RNF185: variants seen among roughly 807,000 people sequenced by gnomAD.
RNF185 encodes ring finger protein 185.
Under a neutral mutation model 24.9 loss-of-function variants are expected in RNF185, and 13 were observed. The ratio of observed to expected loss-of-function variants is 0.52; its 90% confidence interval spans 0.34 to 0.83. The LOEUF is 0.83. Ranked by LOEUF, RNF185 falls within the 40% of genes least tolerant of loss-of-function variation. The probability of loss-of-function intolerance (pLI) is 0.01; values close to 1 mark genes in which losing one functional copy is unlikely to be tolerated. For missense variants in RNF185, 184 were observed against 244.7 expected (o/e 0.75, Z 1.65); for synonymous variants, 79 against 90.3 (o/e 0.88, Z 0.71).
intron 2 of RNF185, 114 bp downstream of exon 2, chr22:31,187,384 C>A: frequency 8.8e-7 from 1 of 1,142,076 alleles, no homozygotes; most frequent in Non-Finnish European, 1.3e-6. Context: ...CACTCAGGCT[C>A]AAGGGACAAG....
At chr22:31,203,255 GA>G (rs1205233332) in intron 6 of RNF185, among the ~76,000 whole-genome samples, 1 of 152,064 alleles carries the variant, frequency 6.6e-6, no homozygotes, top group Non-Finnish European at 1.5e-5. Flanking sequence ...TCAGGACAGG[GA>G]GCTCTAAATG....
chr22:31,173,917 A>G (rs895036631), intron 1 of RNF185, among the ~76,000 whole-genome samples: 2 of 152,226 alleles, frequency 1.3e-5, no homozygotes, highest in Admixed American at 6.5e-5. Flanking sequence ...AATGATGCTC[A>G]TTGAGAAAGG....
rs1001162933 is a variant in RNF185, at chr22:31,206,845, T to C, written c.*2259T>C. On this transcript the variant is annotated 3_prime_UTR_variant, in exon 7 of 7. Transcript: ENST00000326132. ...GCAGCTTTCCTTTCTTTTGTGTGTT[T>C]TCTGTGTTCTTAGCCTCCACCCTCC... is the stretch of plus-strand genomic sequence containing the variant. 6.6e-6 allele frequency: 1 copy of C among 152,252 alleles called. No individual in the cohort carries two copies. Among genetic ancestry groups the C allele is most frequent in the African/African-American group, 2.4e-5 (1 of 41,456 alleles). The allele number at this position is 152,252 out of a possible 1,614,324, so 9.4% of individuals were successfully genotyped here. A position where few individuals can be genotyped will look rare whatever the true frequency, so the allele number is the denominator to read the frequency against.
intron 1 of RNF185, among the ~76,000 whole-genome samples, chr22:31,160,709 A>G (rs1011883222): frequency 6.6e-6 from 1 of 152,198 alleles, no homozygotes; most frequent in Non-Finnish European, 1.5e-5. Flanking sequence ...AGACTTCGCC[A>G]CCGACAGACA....
chr22:31,167,185 AT>A (rs1281506151), intron 1 of RNF185, among the ~76,000 whole-genome samples: 1 of 151,792 alleles, frequency 6.6e-6, no homozygotes, highest in East Asian at 1.9e-4. Flanking sequence ...ATCTATTTAA[AT>A]TTTTTTTGAG....
intron 1 of RNF185, among the ~76,000 whole-genome samples, chr22:31,186,839 A>G (rs2048103940): frequency 6.6e-6 from 1 of 152,114 alleles, no homozygotes; most frequent in Non-Finnish European, 1.5e-5. Context: ...TCTGTGTGAT[A>G]TATTCTGGAC....
intron 1 of RNF185, among the ~76,000 whole-genome samples, chr22:31,172,477 G>A (rs990846912): frequency 2.6e-5 from 4 of 152,006 alleles, no homozygotes; most frequent in African/African-American, 9.7e-5. Flanking sequence ...GGCTGGGCGC[G>A]GTGGCTCATG....
chr22:31,205,210 CT>C lies in RNF185; in HGVS notation c.*628del, dbSNP rs2048303550. 5.8e-6 allele frequency: 1 copy of C among 171,526 alleles called. No individual in the cohort carries two copies. The allele number at this position is 171,526 out of a possible 1,614,324, so 10.6% of individuals were successfully genotyped here. Reference sequence around the variant, plus strand: ...GTGAATTCACCAGAGACTCAAAGATCTTTTATTGGCTCTGGGCTGTGCTCAG... The same window carrying C: ...GTGAATTCACCAGAGACTCAAAGATCTTTATTGGCTCTGGGCTGTGCTCAG... On this transcript the variant is annotated 3_prime_UTR_variant, in exon 7 of 7. Transcript: ENST00000326132.
rs781503047 is a variant in RNF185 at position 31,204,596 on chromosome 22, C to T, written c.*10C>T. 2 of 1,525,578 alleles carry T rather than the reference C, an allele frequency of 1.3e-6. No individual in the cohort carries two copies. The highest frequency in any genetic ancestry group is 9.1e-7 in the Non-Finnish European group (1 of 1,100,632). 94.5% of individuals were successfully genotyped at this position (1,525,578 alleles called of 1,614,324 possible). A position where few individuals can be genotyped will look rare whatever the true frequency, so the allele number is the denominator to read the frequency against. On this transcript the variant is annotated 3_prime_UTR_variant, in exon 7 of 7. Transcript: ENST00000326132. ...GCTCCTGATTGCCTAATGCTGGGCT[C>T]CTGCCTACATCCGTGGCAGGGCTCT...
intron 1 of RNF185, among the ~76,000 whole-genome samples, chr22:31,173,418 C>CACACAG (rs1555881075): frequency 6.6e-6 from 1 of 150,596 alleles, no homozygotes; most frequent in South Asian, 2.2e-4. Context: ...CACACACAGA[C>CACACAG]ACACACACAC....
chr22:31,191,329 T>G (rs747318334), intron 2 of RNF185, among the ~76,000 whole-genome samples: 7 of 152,158 alleles, frequency 4.6e-5, no homozygotes, highest in Non-Finnish European at 1.0e-4. Flanking sequence ...GAGTCAGATG[T>G]TATGGCCAGG....
At chr22:31,166,947 G>T (rs1360005944) in intron 1 of RNF185, among the ~76,000 whole-genome samples, 1 of 152,088 alleles carries the variant, frequency 6.6e-6, no homozygotes, top group African/African-American at 2.4e-5. Flanking sequence ...ACCACACCTG[G>T]CCTATAAGCG....
At chr22:31,179,346 G>A (rs912365409) in intron 1 of RNF185, among the ~76,000 whole-genome samples, 14 of 152,190 alleles carry the variant, frequency 9.2e-5, no homozygotes, top group Admixed American at 5.2e-4. Flanking sequence ...ATCCCCAGGG[G>A]AAGCTGCTGA....
At chr22:31,162,880 T>C (rs550045418) in intron 1 of RNF185, among the ~76,000 whole-genome samples, 63 of 151,580 alleles carry the variant, frequency 4.2e-4, no homozygotes, top group African/African-American at 1.5e-3. Flanking sequence ...TTCTCCTGCC[T>C]CAGCCTCCCG....
rs749165258 is a variant in RNF185 at position 31,195,583 on chromosome 22, T to G, written c.308+2T>G. 1.3e-6 allele frequency: 2 copies of G among 1,593,714 alleles called. No homozygotes were observed. The highest frequency in any genetic ancestry group is 2.7e-5 in the African/African-American group (2 of 74,336). On this transcript the variant is annotated splice_donor_variant, in intron 4 of 6. Transcript: ENST00000326132. LOFTEE classifies it high-confidence loss of function. ...CAGCACTGGGCAACAGGACCCCAGG[T>G]GAGGACTCAGGATGCCTCTCCCAAC...
chr22:31,187,368 G>GC, intron 2 of RNF185, 98 bp downstream of exon 2: 1 of 1,305,662 alleles, frequency 7.7e-7, no homozygotes, highest in Non-Finnish European at 1.1e-6. Flanking sequence ...GCTCACTTTG[G>GC]GAATACACTC....
chr22:31,167,206 C>T (rs953409602), intron 1 of RNF185, among the ~76,000 whole-genome samples: 1 of 151,974 alleles, frequency 6.6e-6, no homozygotes, highest in Admixed American at 6.5e-5. Context: ...GATAGGGTCT[C>T]ACTCTGTGGC....
intron 1 of RNF185, among the ~76,000 whole-genome samples, chr22:31,179,784 G>A (rs73881343): frequency 0.013 from 1,948 of 152,258 alleles, 48 homozygotes; most frequent in African/African-American, 0.044. Context: ...CCTGTGTGTA[G>A]GAGTATGGGC....
chr22:31,200,642 G>A (rs1322288337), intron 5 of RNF185, among the ~76,000 whole-genome samples: 1 of 152,244 alleles, frequency 6.6e-6, no homozygotes. Context: ...TGTAGAACAT[G>A]CACATGGAAA....
Sources: gnomAD v4.1 joint callset for allele counts (sites outside exome capture counted in the v4.1 genomes callset) on GRCh38, gnomAD v4.1.1 for gene constraint, MANE v1.5 for transcripts, NCBI Gene and HGNC (gene_info 2026-07-23, HGNC 2026-07-21) for gene names.